CDH4: variants seen among roughly 807,000 people sequenced by gnomAD.
CDH4 encodes cadherin 4.
A neutral mutation model predicts 86.0 loss-of-function variants in CDH4; 33 were observed. The ratio of observed to expected loss-of-function variants is 0.38; its 90% confidence interval spans 0.29 to 0.51. The LOEUF (loss-of-function observed/expected upper bound fraction) is 0.51, where lower values mean the gene tolerates loss of function less well. Among genes scored for constraint, CDH4 ranks in the 20% least tolerant of loss-of-function variants. The probability of loss-of-function intolerance (pLI) is 0.86; values close to 1 mark genes in which losing one functional copy is unlikely to be tolerated. For missense variants in CDH4, 1,114 were observed against 1,307.4 expected (o/e 0.85, Z 2.28); for synonymous variants, 555 against 549.4 (o/e 1.01, Z -0.14).
At chr20:61,602,707 A>AAAAAAAAC (rs2086611477) in intron 2 of CDH4, among the ~76,000 whole-genome samples, 1 of 150,362 alleles carries the variant, frequency 6.7e-6, no homozygotes, top group Non-Finnish European at 1.5e-5. Context: ...AAAAAAAAAA[A>AAAAAAAAC]AAAAAAAAAA....
intron 2 of CDH4, among the ~76,000 whole-genome samples, chr20:61,687,830 A>T (rs550302724): frequency 6.6e-6 from 1 of 152,282 alleles, no homozygotes; most frequent in East Asian, 1.9e-4. Flanking sequence ...GGGCATAGAA[A>T]ATATTTCCAC....
intron 4 of CDH4, among the ~76,000 whole-genome samples, chr20:61,794,656 T>C (rs1157730809): frequency 1.3e-5 from 2 of 152,200 alleles, no homozygotes; most frequent in African/African-American, 4.8e-5. Context: ...AGCACATCCT[T>C]GGACTGGACA....
At chr20:61,755,393 C>T (rs531887494) in intron 3 of CDH4, among the ~76,000 whole-genome samples, 187 of 140,758 alleles carry the variant, frequency 1.3e-3, no homozygotes, top group African/African-American at 4.7e-3. Flanking sequence ...CACACACGCC[C>T]CATGCACACC....
At chr20:61,758,211 C>T (rs1241003342) in intron 3 of CDH4, among the ~76,000 whole-genome samples, 1 of 152,112 alleles carries the variant, frequency 6.6e-6, no homozygotes, top group Admixed American at 6.5e-5. Flanking sequence ...ATGTTGACAT[C>T]CAAGTTGAGA....
intron 6 of CDH4, among the ~76,000 whole-genome samples, chr20:61,854,674 T>G (rs1042341007): frequency 2.1e-5 from 3 of 145,630 alleles, no homozygotes; most frequent in African/African-American, 7.8e-5. Context: ...GTGAACAGGG[T>G]GAATTGTGCC....
chr20:61,691,335 GTGTA>G (rs552732545), intron 2 of CDH4, among the ~76,000 whole-genome samples: 205 of 152,212 alleles, frequency 1.3e-3, no homozygotes, highest in Middle Eastern at 0.01. Context: ...AAGTGGATGT[GTGTA>G]TGTGTGTGTA....
At chr20:61,405,566 G>A (rs1433764991) in intron 2 of CDH4, among the ~76,000 whole-genome samples, 1 of 152,060 alleles carries the variant, frequency 6.6e-6, no homozygotes, top group African/African-American at 2.4e-5. Flanking sequence ...TGCCACAGAG[G>A]GGAAAATGAA....
intron 2 of CDH4, among the ~76,000 whole-genome samples, chr20:61,490,105 C>G (rs1353695101): frequency 2.0e-5 from 3 of 152,250 alleles, no homozygotes; most frequent in Non-Finnish European, 4.4e-5. Flanking sequence ...GACATCTAAT[C>G]TGTGGCCCAA....
intron 2 of CDH4, among the ~76,000 whole-genome samples, chr20:61,333,669 C>T (rs2084598852): frequency 2.6e-5 from 4 of 152,264 alleles, no homozygotes. Flanking sequence ...ACAGAGCTGC[C>T]TTCCCTTTAC....
chr20:61,801,638 C>G (rs1169303452), intron 4 of CDH4, among the ~76,000 whole-genome samples: 1 of 152,004 alleles, frequency 6.6e-6, no homozygotes, highest in African/African-American at 2.4e-5. Flanking sequence ...CACTGGAGGC[C>G]CTAGGGGAGG....
chr20:61,551,870 A>G (rs1190150481), intron 2 of CDH4, among the ~76,000 whole-genome samples: 5 of 152,264 alleles, frequency 3.3e-5, no homozygotes, highest in Non-Finnish European at 7.3e-5. Flanking sequence ...TGCCAAAACC[A>G]TTCAATGGGG....
chr20:61,547,979 G>C (rs2086101521), intron 2 of CDH4, among the ~76,000 whole-genome samples: 1 of 152,188 alleles, frequency 6.6e-6, no homozygotes, highest in African/African-American at 2.4e-5. Flanking sequence ...ACATGCCCTT[G>C]GCCTTGAGGG....
At chr20:61,838,432 T>C (rs932732978) in intron 4 of CDH4, among the ~76,000 whole-genome samples, 3 of 152,092 alleles carry the variant, frequency 2.0e-5, no homozygotes, top group Non-Finnish European at 4.4e-5. Context: ...GGAGCACTGG[T>C]TGGGGCCACG....
In CDH4 at chr20:61,743,940, C is replaced by G. The variant is rs1330482502; in HGVS notation, c.396+151C>G. 8.9e-6 allele frequency: 6 copies of G among 674,300 alleles called. No homozygotes were observed. In the East Asian group the frequency reaches 1.6e-4, roughly 18 times the overall value. The allele number at this position is 674,300 out of a possible 1,614,324, so 41.8% of individuals were successfully genotyped here. On this transcript the variant is annotated intron_variant, in intron 3 of 15. Transcript: ENST00000614565. ...CTCAGGCCATTGCCAACCAAGCACCCCTGCCCTCTGCACTGACCTGAGGCA... is the reference window on the plus strand; with the variant it reads ...CTCAGGCCATTGCCAACCAAGCACCGCTGCCCTCTGCACTGACCTGAGGCA...
intron 2 of CDH4, among the ~76,000 whole-genome samples, chr20:61,397,896 AGCT>A (rs2085027614): frequency 6.6e-6 from 1 of 151,904 alleles, no homozygotes; most frequent in Non-Finnish European, 1.5e-5. Context: ...GCCGTATCGC[AGCT>A]GCTATTTTTT....
At chr20:61,303,431 C>T (rs931508726) in intron 2 of CDH4, among the ~76,000 whole-genome samples, 3 of 148,948 alleles carry the variant, frequency 2.0e-5, no homozygotes, top group Non-Finnish European at 4.5e-5. Context: ...GCCGTATCCA[C>T]GCCCTGCCCC....
At chr20:61,498,157 GTAAC>G (rs1225708318) in intron 2 of CDH4, among the ~76,000 whole-genome samples, 2 of 151,848 alleles carry the variant, frequency 1.3e-5, no homozygotes, top group East Asian at 1.9e-4. Flanking sequence ...GTATACATAT[GTAAC>G]TAACCTGCAC....
intron 2 of CDH4, among the ~76,000 whole-genome samples, chr20:61,543,074 C>T (rs2086052697): frequency 1.3e-5 from 2 of 152,254 alleles, no homozygotes; most frequent in Admixed American, 1.3e-4. Context: ...AAGACTCAGC[C>T]AGTCCAGTCC....
intron 11 of CDH4, 119 bp downstream of exon 11, chr20:61,924,595 AC>A (rs1373555405): frequency 3.3e-5 from 38 of 1,149,598 alleles, no homozygotes; most frequent in Non-Finnish European, 4.5e-5. Context: ...CCAGAGGGTC[AC>A]CCAGAGGGGC....
Sources: allele counts gnomAD v4.1 joint callset (sites outside exome capture counted in the v4.1 genomes callset), GRCh38; gene constraint gnomAD v4.1.1; transcripts MANE v1.5; gene names NCBI Gene and HGNC (gene_info 2026-07-23, HGNC 2026-07-21).